The following ATG10 variants were observed in gnomAD, a reference collection of about 807,000 sequenced individuals.
ATG10 encodes autophagy related 10.
ATG10 carries 30 observed loss-of-function variants against 32.1 expected under a neutral mutation model. The observed-to-expected ratio is 0.94, with a 90% confidence interval of 0.70 to 1.27. The LOEUF (loss-of-function observed/expected upper bound fraction) is 1.27, where lower values mean the gene tolerates loss of function less well. Among genes scored for constraint, ATG10 ranks in the 50% most tolerant of loss-of-function variants. The probability of loss-of-function intolerance (pLI) is 0.00; values close to 1 mark genes in which losing one functional copy is unlikely to be tolerated. For synonymous variants in ATG10, 87 were observed against 91.5 expected, an observed-to-expected ratio of 0.95 and a Z score of 0.28; for missense variants, 233 against 262.3, an observed-to-expected ratio of 0.89 and a Z score of 0.77.
intron 3 of ATG10, among the ~76,000 whole-genome samples, chr5:82,129,206 G>T (rs1385494776): frequency 6.6e-6 from 1 of 151,752 alleles, no homozygotes; most frequent in African/African-American, 2.4e-5. Context: ...AGTTCATTTG[G>T]TTTTTCTCTA....
chr5:81,979,906 C>G (rs1760988144), intron 1 of ATG10, among the ~76,000 whole-genome samples: 1 of 149,718 alleles, frequency 6.7e-6, no homozygotes, highest in African/African-American at 2.5e-5. Context: ...GATTGTAGTT[C>G]AGAAATTCCA....
chr5:82,127,450 T>C (rs146199607), intron 3 of ATG10, among the ~76,000 whole-genome samples: 40 of 152,284 alleles, frequency 2.6e-4, no homozygotes, highest in Non-Finnish European at 4.4e-4. Context: ...AAGCACTGCT[T>C]TAGTTGTGTC....
At chr5:82,250,319 T>C (rs1270601857) in intron 5 of ATG10, among the ~76,000 whole-genome samples, 1 of 152,192 alleles carries the variant, frequency 6.6e-6, no homozygotes, top group African/African-American at 2.4e-5. Flanking sequence ...TTTCACCTTA[T>C]TTTAGTCCAT....
intron 2 of ATG10, among the ~76,000 whole-genome samples, chr5:82,027,144 A>G (rs1762618000): frequency 6.6e-6 from 1 of 151,894 alleles, no homozygotes; most frequent in Admixed American, 6.6e-5. Flanking sequence ...CATGCATGTA[A>G]TCCCAGCACT....
At chr5:82,112,416 T>G (rs1191676513) in intron 3 of ATG10, among the ~76,000 whole-genome samples, 1 of 151,908 alleles carries the variant, frequency 6.6e-6, no homozygotes, top group African/African-American at 2.4e-5. Context: ...GGGGGGTAAT[T>G]TAGTCTTCTG....
chr5:82,197,984 A>G (rs1020656055), intron 5 of ATG10, among the ~76,000 whole-genome samples: 1 of 152,154 alleles, frequency 6.6e-6, no homozygotes, highest in South Asian at 2.1e-4. Flanking sequence ...GTTCATGGAA[A>G]AATAGAACTC....
At chr5:82,197,016 A>G (rs768368813) in intron 5 of ATG10, among the ~76,000 whole-genome samples, 1 of 152,170 alleles carries the variant, frequency 6.6e-6, no homozygotes, top group Non-Finnish European at 1.5e-5. Context: ...CTATCTTCCA[A>G]TTCATCAATA....
intron 5 of ATG10, among the ~76,000 whole-genome samples, chr5:82,221,628 T>C (rs1371293254): frequency 1.3e-5 from 2 of 152,110 alleles, no homozygotes; most frequent in African/African-American, 2.4e-5. Context: ...GACCATTTGA[T>C]AGGACTCCGA....
chr5:82,165,722 GT>G (rs1415474940), intron 4 of ATG10, among the ~76,000 whole-genome samples: 2 of 152,082 alleles, frequency 1.3e-5, no homozygotes, highest in Non-Finnish European at 2.9e-5. Flanking sequence ...ATTATATTTG[GT>G]TTGGAGCCCA....
intron 5 of ATG10, among the ~76,000 whole-genome samples, chr5:82,210,609 G>A (rs777057272): frequency 2.6e-5 from 4 of 152,134 alleles, no homozygotes; most frequent in South Asian, 2.1e-4. Flanking sequence ...ACACTCTGAT[G>A]CCTTCAAACA....
chr5:82,218,310 C>T (rs1262510548), intron 5 of ATG10, among the ~76,000 whole-genome samples: 1 of 152,128 alleles, frequency 6.6e-6, no homozygotes, highest in Non-Finnish European at 1.5e-5. Flanking sequence ...ATTCAAAATG[C>T]TTTTTTGTCC....
At chr5:81,984,031 C>G (rs1211049653) in intron 1 of ATG10, among the ~76,000 whole-genome samples, 2 of 152,348 alleles carry the variant, frequency 1.3e-5, no homozygotes, top group East Asian at 3.9e-4. Flanking sequence ...GGGTGGCAGC[C>G]AGGCAGAGGC....
At chr5:82,003,173 G>A (rs138919558) in intron 2 of ATG10, among the ~76,000 whole-genome samples, 40 of 152,288 alleles carry the variant, frequency 2.6e-4, no homozygotes, top group Admixed American at 1.3e-3. Flanking sequence ...GTCATCAGGA[G>A]CCAAGATTTA....
intron 1 of ATG10, among the ~76,000 whole-genome samples, chr5:81,980,690 A>T (rs1362931488): frequency 2.0e-5 from 3 of 151,186 alleles, no homozygotes; most frequent in Non-Finnish European, 4.4e-5. Flanking sequence ...GTGAGACTGT[A>T]CTATGCTGAG....
intron 2 of ATG10, among the ~76,000 whole-genome samples, chr5:82,026,655 G>C (rs1257948964): frequency 2.0e-5 from 3 of 151,994 alleles, no homozygotes; most frequent in Non-Finnish European, 2.9e-5. Context: ...TTTCATAATG[G>C]TTTATTATTT....
At chr5:82,173,680 T>G (rs1743891789) in intron 4 of ATG10, among the ~76,000 whole-genome samples, 1 of 152,178 alleles carries the variant, frequency 6.6e-6, no homozygotes, top group Non-Finnish European at 1.5e-5. Flanking sequence ...AGCCTCAATG[T>G]GACTAATGAA....
At chr5:82,153,001 T>C (rs1767665656) in intron 3 of ATG10, among the ~76,000 whole-genome samples, 1 of 152,216 alleles carries the variant, frequency 6.6e-6, no homozygotes, top group African/African-American at 2.4e-5. Flanking sequence ...CGTAAGTGAA[T>C]AAGACAGGCA....
At chr5:82,093,127 C>A (rs1764946385) in intron 3 of ATG10, among the ~76,000 whole-genome samples, 1 of 152,056 alleles carries the variant, frequency 6.6e-6, no homozygotes. Flanking sequence ...GTGTAGTTTT[C>A]TTCATATTTC....
intron 3 of ATG10, among the ~76,000 whole-genome samples, chr5:82,133,650 G>T (rs1170439610): frequency 6.6e-6 from 1 of 152,096 alleles, no homozygotes; most frequent in Admixed American, 6.6e-5. Flanking sequence ...TTGAAGTCAG[G>T]TAGTGTGATG....
Sources: gnomAD v4.1 joint callset for allele counts (sites outside exome capture counted in the v4.1 genomes callset) on GRCh38, gnomAD v4.1.1 for gene constraint, MANE v1.5 for transcripts, NCBI Gene and HGNC (gene_info 2026-07-23, HGNC 2026-07-21) for gene names.